Variants in LRRC4C observed in about 807,000 individuals in gnomAD.
The protein encoded by LRRC4C is leucine-rich repeat-containing protein 4C.
LRRC4C carries 5 observed loss-of-function variants against 33.6 expected under a neutral mutation model. The ratio of observed to expected loss-of-function variants is 0.15; its 90% CI spans 0.08 to 0.31. The LOEUF is 0.31. Ranked by LOEUF, LRRC4C falls within the 10% of genes least tolerant of loss-of-function variation. The pLI is 1.00. For missense variants in LRRC4C, 560 were observed against 796.7 expected (o/e 0.70, Z 3.58); for synonymous variants, 329 against 302.0 (o/e 1.09, Z -0.93).
At chr11:40,562,797 TAG>T (rs1439400738) in intron 3 of LRRC4C, among the ~76,000 whole-genome samples, 1 of 152,204 alleles carries the variant, frequency 6.6e-6, no homozygotes, top group African/African-American at 2.4e-5. Flanking sequence ...GAGTGGGTAT[TAG>T]AACCGAACAA....
chr11:40,908,411 T>C (rs1482062425), intron 2 of LRRC4C, among the ~76,000 whole-genome samples: 1 of 152,138 alleles, frequency 6.6e-6, no homozygotes, highest in Non-Finnish European at 1.5e-5. Context: ...TTGCTTTCAT[T>C]ATTTATTAAC....
At chr11:41,377,796 G>C (rs1184205071) in intron 1 of LRRC4C, among the ~76,000 whole-genome samples, 1 of 152,122 alleles carries the variant, frequency 6.6e-6, no homozygotes, top group East Asian at 1.9e-4. Flanking sequence ...TACAGTCAAG[G>C]ACAATAATCT....
chr11:41,337,508 C>A (rs1305679051), intron 1 of LRRC4C, among the ~76,000 whole-genome samples: 1 of 151,940 alleles, frequency 6.6e-6, no homozygotes, highest in Admixed American at 6.6e-5. Context: ...GAAATTGGAC[C>A]CCTCCCTTAC....
At chr11:40,181,241 C>T (rs1036854819) in intron 5 of LRRC4C, among the ~76,000 whole-genome samples, 1 of 152,096 alleles carries the variant, frequency 6.6e-6, no homozygotes, top group Non-Finnish European at 1.5e-5. Flanking sequence ...TTCTTCCTCT[C>T]CCATTTGAGT....
intron 3 of LRRC4C, among the ~76,000 whole-genome samples, chr11:40,577,061 C>T (rs374658192): frequency 6.6e-6 from 1 of 152,070 alleles, no homozygotes; most frequent in Non-Finnish European, 1.5e-5. Flanking sequence ...AGTCTTCTGT[C>T]CTTAAAACAG....
intron 2 of LRRC4C, among the ~76,000 whole-genome samples, chr11:40,878,628 C>T (rs2136000799): frequency 6.6e-6 from 1 of 152,296 alleles, no homozygotes; most frequent in South Asian, 2.1e-4. Flanking sequence ...TGTTCACCTG[C>T]CACTCACCTC....
intron 1 of LRRC4C, among the ~76,000 whole-genome samples, chr11:41,303,982 TC>T: frequency 1.3e-5 from 1 of 78,640 alleles, no homozygotes; most frequent in Non-Finnish European, 3.0e-5. Flanking sequence ...AGCCACCCCG[TC>T]CGGGAGGGAG....
chr11:40,966,883 C>T (rs1851401092), intron 1 of LRRC4C, among the ~76,000 whole-genome samples: 1 of 151,992 alleles, frequency 6.6e-6, no homozygotes, highest in South Asian at 2.1e-4. Flanking sequence ...GAATGTGAGT[C>T]ATACCTTGTC....
intron 3 of LRRC4C, among the ~76,000 whole-genome samples, chr11:40,386,717 G>A (rs16934773): frequency 0.036 from 5,477 of 152,090 alleles, 312 homozygotes; most frequent in African/African-American, 0.12. Context: ...ATGTGCCAAA[G>A]TCTCAATATA....
intron 5 of LRRC4C, among the ~76,000 whole-genome samples, chr11:40,198,244 C>T (rs1470122068): frequency 6.6e-6 from 1 of 152,194 alleles, no homozygotes; most frequent in Admixed American, 6.5e-5. Flanking sequence ...TACAGACACA[C>T]ACCCATGTAC....
chr11:40,603,101 G>A (rs76174890), intron 3 of LRRC4C, among the ~76,000 whole-genome samples: 85 of 152,270 alleles, frequency 5.6e-4, no homozygotes, highest in African/African-American at 1.9e-3. Context: ...GGCACAAGGC[G>A]AGGAAATAGG....
At chr11:40,945,969 G>A (rs371040467) in intron 1 of LRRC4C, among the ~76,000 whole-genome samples, 5 of 152,256 alleles carry the variant, frequency 3.3e-5, no homozygotes, top group African/African-American at 7.2e-5. Context: ...GTGGGTCCAC[G>A]TGCAGGTTTG....
chr11:41,182,028 C>G (rs1174581945), intron 1 of LRRC4C, among the ~76,000 whole-genome samples: 4 of 152,176 alleles, frequency 2.6e-5, no homozygotes, highest in Non-Finnish European at 5.9e-5. Context: ...TCCCAATTCA[C>G]AGACCCAATT....
At chr11:40,801,191 A>G (rs1035683628) in intron 2 of LRRC4C, among the ~76,000 whole-genome samples, 2 of 152,160 alleles carry the variant, frequency 1.3e-5, no homozygotes, top group Non-Finnish European at 2.9e-5. Flanking sequence ...AAAATTACTT[A>G]TTTATATTTT....
At chr11:40,326,444 C>T (rs1946108075) in intron 3 of LRRC4C, among the ~76,000 whole-genome samples, 1 of 151,854 alleles carries the variant, frequency 6.6e-6, no homozygotes, top group South Asian at 2.1e-4. Flanking sequence ...TGCCTGTAAT[C>T]CCAGCTACTC....
At chr11:41,381,190 C>A (rs1029450215) in intron 1 of LRRC4C, among the ~76,000 whole-genome samples, 7 of 151,968 alleles carry the variant, frequency 4.6e-5, no homozygotes, top group African/African-American at 1.7e-4. Flanking sequence ...AGAAATAACA[C>A]CTCACTGTTA....
At chr11:40,388,875 G>T (rs1590569718) in intron 3 of LRRC4C, among the ~76,000 whole-genome samples, 2 of 152,108 alleles carry the variant, frequency 1.3e-5, no homozygotes, top group South Asian at 4.2e-4. Context: ...AGAGGACGAG[G>T]TACTGCAAAA....
chr11:41,381,155 GA>G (rs1464313410), intron 1 of LRRC4C, among the ~76,000 whole-genome samples: 2 of 152,038 alleles, frequency 1.3e-5, no homozygotes, highest in African/African-American at 4.8e-5. Flanking sequence ...CCTAGACCTT[GA>G]AAAAGTCTGA....
At chr11:41,291,014 G>A (rs1051352147) in intron 1 of LRRC4C, among the ~76,000 whole-genome samples, 9 of 152,102 alleles carry the variant, frequency 5.9e-5, no homozygotes, top group Admixed American at 1.3e-4. Context: ...ACTATTCTTC[G>A]TCATCTAAGT....
Sources: gnomAD v4.1 joint callset for allele counts (sites outside exome capture counted in the v4.1 genomes callset) on GRCh38, gnomAD v4.1.1 for gene constraint, MANE v1.5 for transcripts, NCBI Gene and HGNC (gene_info 2026-07-23, HGNC 2026-07-21) for gene names.